The following MPP7 variants were observed in gnomAD, a reference collection of about 807,000 sequenced individuals.
MPP7 encodes the protein MAGUK p55 scaffold protein 7.
MPP7 carries 60 observed loss-of-function variants against 76.5 expected under a neutral mutation model. That is an observed-to-expected ratio of 0.78 (90% CI 0.64 to 0.97). MPP7 has a LOEUF of 0.97. Ranked by LOEUF, MPP7 falls within the 50% of genes least tolerant of loss-of-function variation. The pLI is 0.00. For synonymous variants in MPP7, 237 were observed against 244.5 expected, an observed-to-expected ratio of 0.97 and a Z score of 0.29; for missense variants, 641 against 694.0, an observed-to-expected ratio of 0.92 and a Z score of 0.86.
chr10:28,327,579 T>TTTAC (rs1411444212), intron 2 of MPP7, among the ~76,000 whole-genome samples: 1 of 152,142 alleles, frequency 6.6e-6, no homozygotes, highest in East Asian at 1.9e-4. Flanking sequence ...TGAGTTCTAG[T>TTTAC]TTATTTATTT....
intron 2 of MPP7, among the ~76,000 whole-genome samples, chr10:28,230,713 G>A (rs933859825): frequency 3.3e-5 from 5 of 152,158 alleles, no homozygotes; most frequent in Non-Finnish European, 7.3e-5. Flanking sequence ...CTACTCCAGA[G>A]GCTGAGGCAG....
chr10:28,092,516 C>T (rs1853355707), intron 11 of MPP7, among the ~76,000 whole-genome samples: 1 of 151,144 alleles, frequency 6.6e-6, no homozygotes, highest in South Asian at 2.1e-4. Context: ...TTATTTATTA[C>T]TTTTTGTTCA....
chr10:28,063,315 C>A (rs1003958831), intron 13 of MPP7, among the ~76,000 whole-genome samples: 1 of 151,820 alleles, frequency 6.6e-6, no homozygotes, highest in African/African-American at 2.4e-5. Context: ...TAAAAATTAT[C>A]CAGGCATGGT....
chr10:28,129,224 A>C (rs1031110591), intron 6 of MPP7, among the ~76,000 whole-genome samples: 11 of 152,294 alleles, frequency 7.2e-5, no homozygotes, highest in Middle Eastern at 3.4e-3. Flanking sequence ...GATACTGTAC[A>C]AAAGTCATCA....
At chr10:28,212,285 G>C (rs565892188) in intron 2 of MPP7, among the ~76,000 whole-genome samples, 1 of 152,070 alleles carries the variant, frequency 6.6e-6, no homozygotes, top group South Asian at 2.1e-4. Flanking sequence ...AGGGGAAGTT[G>C]TGAGAACTAC....
At chr10:28,173,398 T>C (rs939240652) in intron 3 of MPP7, among the ~76,000 whole-genome samples, 5 of 152,102 alleles carry the variant, frequency 3.3e-5, no homozygotes, top group Non-Finnish European at 5.9e-5. Context: ...GGATAAAGAA[T>C]TGTCATGGAA....
At chr10:28,118,622 T>C (rs1332014485) in intron 11 of MPP7, 16 of 985,286 alleles carry the variant, frequency 1.6e-5, no homozygotes, top group Non-Finnish European at 1.9e-5. Context: ...AGTTTTCTGA[T>C]GTCAGAAGAC....
chr10:28,215,479 A>G (rs1838279895), intron 2 of MPP7, among the ~76,000 whole-genome samples: 2 of 152,170 alleles, frequency 1.3e-5, no homozygotes, highest in South Asian at 4.1e-4. Context: ...GGAAAAGTAT[A>G]AGAGAGAGAG....
intron 2 of MPP7, among the ~76,000 whole-genome samples, chr10:28,211,819 T>G (rs996231391): frequency 6.6e-6 from 1 of 151,582 alleles, no homozygotes; most frequent in Non-Finnish European, 1.5e-5. Context: ...AGAGGGGATA[T>G]AAGGAAGGAT....
At chr10:28,111,115 T>G (rs1249560413) in intron 11 of MPP7, among the ~76,000 whole-genome samples, 2 of 152,114 alleles carry the variant, frequency 1.3e-5, no homozygotes, top group Non-Finnish European at 2.9e-5. Context: ...GTACCTTTAA[T>G]TTCCTCTGAG....
intron 2 of MPP7, among the ~76,000 whole-genome samples, chr10:28,314,746 A>C (rs1235192169): frequency 2.6e-5 from 4 of 152,214 alleles, no homozygotes; most frequent in Non-Finnish European, 5.9e-5. Context: ...AGAAGTTACA[A>C]ACTGAAGTTA....
chr10:28,238,518 A>G, intron 2 of MPP7, 50 bp downstream of exon 2: 1 of 1,596,702 alleles, frequency 6.3e-7, no homozygotes, highest in South Asian at 1.1e-5. Context: ...CACTGTGAAC[A>G]AGATTTAAGC....
chr10:28,297,584 A>G (rs1242601377), intron 1 of MPP7, among the ~76,000 whole-genome samples: 1 of 152,202 alleles, frequency 6.6e-6, no homozygotes, highest in Non-Finnish European at 1.5e-5. Context: ...CTGTAATCCC[A>G]GCTACTCAGG....
intron 14 of MPP7, chr10:28,059,439 T>A: frequency 2.1e-6 from 1 of 479,350 alleles, no homozygotes; most frequent in Non-Finnish European, 3.7e-6. Context: ...TCTACACATT[T>A]TATAGAAATG....
chr10:28,324,250 C>T lies in MPP7; in HGVS notation c.-132+5679G>A, dbSNP rs544420475. ...GCCACGTGAGGGCACAGAGAGAAGA[C>T]GTTGTCTATGAACCAGGCAACAGGC... On this transcript the variant is annotated intron_variant, in intron 2 of 11. Coordinates refer to the MPP7 transcript ENST00000441595. Among the ~76,000 whole-genome samples, 53 of 152,268 alleles carry T rather than the reference C, an allele frequency of 3.5e-4. 1 individual carries two copies. In the South Asian group the frequency reaches 0.011, roughly 30 times the overall value.
chr10:28,173,227 GAAAA>G (rs71523597), intron 3 of MPP7, among the ~76,000 whole-genome samples: 1 of 116,612 alleles, frequency 8.6e-6, no homozygotes, highest in Non-Finnish European at 1.8e-5. Flanking sequence ...GAGTAGCGAT[GAAAA>G]AAAAAAAAAA....
intron 1 of MPP7, among the ~76,000 whole-genome samples, chr10:28,263,640 G>C (rs962817724): frequency 6.6e-6 from 1 of 152,216 alleles, no homozygotes; most frequent in Non-Finnish European, 1.5e-5. Context: ...AGGAGGAAGG[G>C]GAGGGATCTT....
chr10:28,194,364 C>T (rs1332101259), intron 3 of MPP7, among the ~76,000 whole-genome samples: 2 of 152,168 alleles, frequency 1.3e-5, no homozygotes, highest in Admixed American at 6.5e-5. Context: ...AACTGTGCTC[C>T]GTGATATTTA....
intron 11 of MPP7, among the ~76,000 whole-genome samples, chr10:28,117,902 T>G (rs1296559934): frequency 6.6e-6 from 1 of 151,700 alleles, no homozygotes; most frequent in Non-Finnish European, 1.5e-5. Context: ...CATCTCTCAG[T>G]GAATCAAACT....
Sources: allele counts gnomAD v4.1 joint callset (sites outside exome capture counted in the v4.1 genomes callset), GRCh38; gene constraint gnomAD v4.1.1; transcripts MANE v1.5; gene names NCBI Gene and HGNC (gene_info 2026-07-23, HGNC 2026-07-21).